TENM2: variants seen among roughly 807,000 people sequenced by gnomAD.
TENM2 encodes teneurin-2.
In TENM2, 52 loss-of-function variants were observed where a neutral mutation model predicts 245.2. That is an observed-to-expected ratio of 0.21 (90% CI 0.17 to 0.27). The LOEUF (loss-of-function observed/expected upper bound fraction) is 0.27. TENM2 is among the 10% of genes least tolerant of loss of function. The pLI, the probability that TENM2 is intolerant of heterozygous loss-of-function variation, is 1.00. For missense variants in TENM2, 3,046 were observed against 3,666.8 expected (o/e 0.83, Z 4.37); for synonymous variants, 1,363 against 1,438.9 (o/e 0.95, Z 1.19).
intron 12 of TENM2, among the ~76,000 whole-genome samples, chr5:168,148,627 G>T (rs1562217040): frequency 6.6e-6 from 1 of 152,158 alleles, no homozygotes; most frequent in Non-Finnish European, 1.5e-5. Context: ...TTAGATTCAT[G>T]ATAAAGGTGG....
chr5:167,619,751 A>G (rs753986150), intron 2 of TENM2, among the ~76,000 whole-genome samples: 1 of 152,182 alleles, frequency 6.6e-6, no homozygotes, highest in Non-Finnish European at 1.5e-5. Flanking sequence ...ACCATTGCCT[A>G]TGACTTTGTC....
chr5:167,015,458 A>G, the TENM2 span, among the ~76,000 whole-genome samples: 1 of 152,220 alleles, frequency 6.6e-6, no homozygotes, highest in South Asian at 2.1e-4. Context: ...TCCACACAGC[A>G]TATGGAACTT....
chr5:168,107,665 C>T (rs1038841040), intron 9 of TENM2, among the ~76,000 whole-genome samples: 5 of 152,186 alleles, frequency 3.3e-5, no homozygotes, highest in African/African-American at 1.2e-4. Context: ...CTCGCACTGT[C>T]ACCTCCCACT....
intron 2 of TENM2, among the ~76,000 whole-genome samples, chr5:167,843,475 G>T (rs193273174): frequency 6.6e-6 from 1 of 152,212 alleles, no homozygotes; most frequent in East Asian, 1.9e-4. Flanking sequence ...TTTCAAGAAA[G>T]TCTATACTTG....
At chr5:167,624,615 A>G (rs17068860) in intron 2 of TENM2, among the ~76,000 whole-genome samples, 3,037 of 152,272 alleles carry the variant, frequency 0.02, 154 homozygotes, top group East Asian at 0.19. Flanking sequence ...AATATTTACC[A>G]TCTAACTTAT....
intron 7 of TENM2, among the ~76,000 whole-genome samples, chr5:168,084,075 A>G (rs757251132): frequency 3.3e-5 from 5 of 152,310 alleles, no homozygotes; most frequent in Non-Finnish European, 7.3e-5. Context: ...AGCTACATCC[A>G]TATTGCTGAA....
At position 168,062,206 on chromosome 5, in the gene TENM2, G is replaced by A. The variant is rs199920461; in HGVS notation, c.1456G>A (p.Gly486Arg). The change falls in exon 7 of 29, where the codon GGG becomes AGG. Residue 486 changes from glycine to arginine, a missense_variant. Coordinates refer to ENST00000518659, the Ensembl canonical transcript of TENM2. ...GTTCTTAAAGTTCAACATCTCCCTCGGGAAGGACGCTCTCTTTGGTGTTTA... is the reference window on the plus strand; with the variant it reads ...GTTCTTAAAGTTCAACATCTCCCTCAGGAAGGACGCTCTCTTTGGTGTTTA... The A allele has an allele frequency of 5.9e-5, 96 of 1,613,554 alleles. No homozygotes were observed. In the African/African-American group the frequency reaches 8.5e-4, roughly 14 times the overall value.
chr5:167,707,408 G>A lies in TENM2; in HGVS notation c.503-168578G>A, dbSNP rs191567319. Among the ~76,000 whole-genome samples, 48 of 152,232 alleles carry A rather than the reference G, an allele frequency of 3.2e-4. No individual in the cohort carries two copies. In the Middle Eastern group the frequency reaches 0.031, roughly 97 times the overall value. ...TTCTTGTTTTCTTTGCTGCACAGAA[G>A]CTTTTTAGTCTGATATAATTTGACT... On this transcript the variant is annotated intron_variant, in intron 2 of 28. Coordinates refer to ENST00000518659, the Ensembl canonical transcript of TENM2.
chr5:167,092,050 C>T, the TENM2 span, among the ~76,000 whole-genome samples: 19 of 152,258 alleles, frequency 1.2e-4, no homozygotes, highest in African/African-American at 4.6e-4. Context: ...AGGCCACATA[C>T]AGGATTCATC....
the TENM2 span, among the ~76,000 whole-genome samples, chr5:167,120,593 G>T: frequency 1.3e-5 from 2 of 152,292 alleles, no homozygotes; most frequent in South Asian, 2.1e-4. Flanking sequence ...TTTAGATTCC[G>T]TGGCAGTACC....
At chr5:168,189,233 G>A (rs925563813) in intron 13 of TENM2, among the ~76,000 whole-genome samples, 6 of 152,246 alleles carry the variant, frequency 3.9e-5, no homozygotes, top group Non-Finnish European at 7.4e-5. Context: ...ATTGAACTTC[G>A]AAGGATCACA....
intron 2 of TENM2, among the ~76,000 whole-genome samples, chr5:167,661,099 C>A (rs1755180703): frequency 6.6e-6 from 1 of 152,154 alleles, no homozygotes; most frequent in African/African-American, 2.4e-5. Context: ...GCACGTTGCA[C>A]TGAGCATGTA....
At chr5:167,827,639 G>GGGGGA (rs1768097588) in intron 2 of TENM2, among the ~76,000 whole-genome samples, 2 of 109,934 alleles carry the variant, frequency 1.8e-5, no homozygotes, top group Non-Finnish European at 3.7e-5. Flanking sequence ...GGGGGGGGGG[G>GGGGGA]AACAGTTTAA....
intron 2 of TENM2, among the ~76,000 whole-genome samples, chr5:167,540,911 G>A (rs114804805): frequency 0.019 from 2,948 of 152,156 alleles, 111 homozygotes; most frequent in African/African-American, 0.068. Context: ...CACTGCCTTG[G>A]CCCCCATAGT....
At chr5:167,541,593 C>T (rs1173572146) in intron 2 of TENM2, among the ~76,000 whole-genome samples, 2 of 152,082 alleles carry the variant, frequency 1.3e-5, no homozygotes, top group African/African-American at 4.8e-5. Flanking sequence ...GGACTGGCTT[C>T]TAGAATCAAT....
intron 2 of TENM2, among the ~76,000 whole-genome samples, chr5:167,659,756 C>T (rs192130064): frequency 5.4e-4 from 82 of 152,134 alleles, no homozygotes; most frequent in South Asian, 4.8e-3. Context: ...TTGTAGAGTT[C>T]GATTGTACCT....
intron 5 of TENM2, among the ~76,000 whole-genome samples, chr5:167,999,796 G>A (rs748427293): frequency 4.6e-5 from 7 of 152,310 alleles, no homozygotes; most frequent in South Asian, 2.1e-4. Context: ...GTGGGCAGAC[G>A]CTGGTGATGA....
intron 2 of TENM2, chr5:167,653,695 C>G (rs903770253): frequency 3.3e-5 from 5 of 152,148 alleles, no homozygotes; most frequent in Middle Eastern, 3.2e-3. Flanking sequence ...GGATTGAGCC[C>G]TTTTCCAGAG....
At chr5:167,900,711 C>T (rs993860871) in intron 3 of TENM2, among the ~76,000 whole-genome samples, 11 of 152,134 alleles carry the variant, frequency 7.2e-5, no homozygotes, top group Non-Finnish European at 8.8e-5. Context: ...TGGTTAATAA[C>T]CACCTAGTTA....
Sources: allele counts gnomAD v4.1 joint callset (sites outside exome capture counted in the v4.1 genomes callset), GRCh38; gene constraint gnomAD v4.1.1; transcripts MANE v1.5; gene names NCBI Gene and HGNC (gene_info 2026-07-23, HGNC 2026-07-21).